Variants in COL14A1 observed in about 807,000 individuals in gnomAD.
The protein encoded by COL14A1 is collagen type XIV alpha 1 chain.
A neutral mutation model predicts 230.3 loss-of-function variants in COL14A1; 136 were observed. The ratio of observed to expected loss-of-function variants is 0.59; its 90% CI spans 0.51 to 0.68. The LOEUF (loss-of-function observed/expected upper bound fraction) is 0.68. Ranked by LOEUF, COL14A1 falls within the 30% of genes least tolerant of loss-of-function variation. The probability of loss-of-function intolerance (pLI) is 0.00; values close to 1 mark genes in which losing one functional copy is unlikely to be tolerated. For missense variants in COL14A1, 1,976 were observed against 2,215.8 expected (o/e 0.89, Z 2.17); for synonymous variants, 792 against 784.1 (o/e 1.01, Z -0.17).
Position 120,208,381 on chromosome 8 carries a change from C to G in COL14A1, c.1321+20C>G. On this transcript the variant is annotated intron_variant, in intron 11 of 47. Coordinates refer to ENST00000297848, the MANE Select transcript of COL14A1 (RefSeq NM_021110.4). The stretch of plus-strand genomic sequence containing the variant: ...CTACACGTATGTATTTAATTCTACC[C>G]CACTTCTAACTTTGTAGAGTGCTGC... 1 of 1,607,464 alleles carries G rather than the reference C, an allele frequency of 6.2e-7. No homozygotes were observed. The highest frequency in any genetic ancestry group is 8.5e-7 in the Non-Finnish European group (1 of 1,176,210).
chr8:120,159,601 A>G (rs951348924), intron 3 of COL14A1, among the ~76,000 whole-genome samples: 12 of 152,194 alleles, frequency 7.9e-5, no homozygotes, highest in Non-Finnish European at 1.5e-4. Flanking sequence ...CTTACTCAAC[A>G]GTTGACGTAA....
chr8:120,183,373 G>A (rs1053015690), intron 5 of COL14A1, among the ~76,000 whole-genome samples: 1 of 152,136 alleles, frequency 6.6e-6, no homozygotes, highest in Non-Finnish European at 1.5e-5. Context: ...CACGGGGATG[G>A]TAGAGGCTCC....
intron 23 of COL14A1, among the ~76,000 whole-genome samples, chr8:120,256,283 G>A (rs1050196324): frequency 6.6e-6 from 1 of 152,128 alleles, no homozygotes; most frequent in Non-Finnish European, 1.5e-5. Flanking sequence ...TTCTAGTCCA[G>A]ATAAGACTGG....
intron 2 of COL14A1, among the ~76,000 whole-genome samples, chr8:120,151,184 A>C (rs1468823055): frequency 6.6e-6 from 1 of 152,116 alleles, no homozygotes; most frequent in Admixed American, 6.5e-5. Context: ...ACCTCATCTT[A>C]TTTCTACCAT....
chr8:120,349,500 A>C (rs1188491414), intron 45 of COL14A1, among the ~76,000 whole-genome samples: 4 of 112,600 alleles, frequency 3.6e-5, no homozygotes, highest in Admixed American at 8.6e-5. Flanking sequence ...AAAATTTAGA[A>C]AAATGTATAA....
chr8:120,267,630 G>A lies in COL14A1; in HGVS notation c.3073+747G>A, dbSNP rs148226921. 8.6e-5 allele frequency among the ~76,000 whole-genome samples: 13 copies of A among 152,002 alleles called. No homozygotes were observed. In the East Asian group the frequency reaches 2.3e-3, roughly 27 times the overall value. On this transcript the variant is annotated intron_variant, in intron 25 of 47. Transcript: ENST00000297848. ...TTTGAAGAATGAGTTTGAGAGACAG[G>A]TATTGGGATGAATAGCACTCGGTGT...
At position 120,231,979 on chromosome 8, in the gene COL14A1, A is replaced by G. The variant is rs137859751; in HGVS notation, c.2349+361A>G. 8.6e-3 allele frequency: 1,384 copies of G among 160,418 alleles called. 16 individuals carry two copies. The highest frequency in any genetic ancestry group is 0.031 in the African/African-American group (1,308 of 41,894). The allele number at this position is 160,418 out of a possible 1,614,324, so 9.9% of individuals were successfully genotyped here. On this transcript the variant is annotated intron_variant, in intron 19 of 47. Transcript: ENST00000297848. ...CATGTATAAAAGTTTAATATAGAAA[A>G]TAATTTCTTCTGCCCTTGGAAATCT... is the stretch of plus-strand genomic sequence containing the variant.
intron 45 of COL14A1, among the ~76,000 whole-genome samples, chr8:120,346,046 T>C (rs1303141289): frequency 2.0e-5 from 3 of 152,240 alleles, no homozygotes; most frequent in Non-Finnish European, 1.5e-5. Flanking sequence ...ATGAATTGTA[T>C]CAGCATATGG....
At chr8:120,190,711 A>T (rs1303726193) in intron 5 of COL14A1, among the ~76,000 whole-genome samples, 1 of 152,174 alleles carries the variant, frequency 6.6e-6, no homozygotes, top group Non-Finnish European at 1.5e-5. Flanking sequence ...GATTATTGCC[A>T]CAATTTCAGA....
chr8:120,262,965 A>C lies in COL14A1; in HGVS notation c.2967A>C (p.Thr989=). ...CTGAATATAAAATCAGTGTTTATAC[A>C]AAGCTCCAGGAGATTGAAGGACCTA... ...PDSEYKISVY[T]KLQEIEGPSV... is the part of the protein sequence containing the mutation. Residue 989 remains threonine, a synonymous_variant, in exon 24 of 48, where the codon ACA becomes ACC. Coordinates refer to ENST00000297848, the MANE Select transcript of COL14A1 (RefSeq NM_021110.4). The C allele has an allele frequency of 1.2e-6, 2 of 1,613,412 alleles. No homozygotes were observed. Among genetic ancestry groups the C allele is most frequent in the Non-Finnish European group, 1.7e-6 (2 of 1,179,718 alleles).
At chr8:120,313,495 A>G (rs1256327580) in intron 37 of COL14A1, among the ~76,000 whole-genome samples, 2 of 152,188 alleles carry the variant, frequency 1.3e-5, no homozygotes, top group Non-Finnish European at 2.9e-5. Context: ...AAAGTTCTCA[A>G]TAAATGCAGA....
At chr8:120,350,217 A>G (rs1169190799) in intron 45 of COL14A1, among the ~76,000 whole-genome samples, 1 of 152,194 alleles carries the variant, frequency 6.6e-6, no homozygotes, top group Non-Finnish European at 1.5e-5. Flanking sequence ...TGCCTGCCCT[A>G]AAAGAGCTCC....
intron 1 of COL14A1, among the ~76,000 whole-genome samples, chr8:120,129,713 G>C (rs1477904178): frequency 6.6e-6 from 1 of 152,202 alleles, no homozygotes; most frequent in Admixed American, 6.5e-5. Context: ...ACACAGCTTT[G>C]CACTGGGGCA....
chr8:120,259,138 T>C (rs1213226015), intron 23 of COL14A1, among the ~76,000 whole-genome samples: 1 of 152,158 alleles, frequency 6.6e-6, no homozygotes, highest in African/African-American at 2.4e-5. Context: ...AAGCATCATA[T>C]GGAACAAAAC....
At chr8:120,134,675 A>G (rs1814650864) in intron 1 of COL14A1, among the ~76,000 whole-genome samples, 1 of 152,172 alleles carries the variant, frequency 6.6e-6, no homozygotes, top group African/African-American at 2.4e-5. Flanking sequence ...AATTTCTCAT[A>G]AAAAGATGAA....
intron 18 of COL14A1, 106 bp from the exon 19 acceptor site, chr8:120,231,361 G>C: frequency 8.4e-7 from 1 of 1,194,722 alleles, no homozygotes; most frequent in Non-Finnish European, 1.2e-6. Context: ...TATATTACAG[G>C]GATACATTAA....
chr8:120,337,516 A>C (rs1380014071), intron 42 of COL14A1, among the ~76,000 whole-genome samples: 1 of 152,174 alleles, frequency 6.6e-6, no homozygotes, highest in Non-Finnish European at 1.5e-5. Context: ...ATTAGGGGTC[A>C]GGTCATGGAA....
At chr8:120,212,992 A>G (rs1280967156) in intron 13 of COL14A1, among the ~76,000 whole-genome samples, 1 of 152,198 alleles carries the variant, frequency 6.6e-6, no homozygotes, top group Non-Finnish European at 1.5e-5. Context: ...TGTGGTTGGT[A>G]TAAGATTAAA....
intron 38 of COL14A1, among the ~76,000 whole-genome samples, chr8:120,315,198 C>T (rs768154829): frequency 4.6e-5 from 7 of 151,734 alleles, no homozygotes; most frequent in Admixed American, 2.0e-4. Flanking sequence ...GATGAAACCC[C>T]GTCTCTACTA....
Sources: allele counts gnomAD v4.1 joint callset (sites outside exome capture counted in the v4.1 genomes callset), GRCh38; gene constraint gnomAD v4.1.1; transcripts MANE v1.5; gene names NCBI Gene and HGNC (gene_info 2026-07-23, HGNC 2026-07-21).